APP: variants seen among roughly 807,000 people sequenced by gnomAD.
APP encodes the protein amyloid-beta precursor protein.
APP carries 31 observed loss-of-function variants against 101.4 expected under a neutral mutation model. The observed-to-expected ratio is 0.31, with a 90% CI of 0.23 to 0.41. APP has a LOEUF of 0.41. Among genes scored for constraint, APP ranks in the 10% least tolerant of loss-of-function variants. The pLI is 1.00. For missense variants in APP, 839 were observed against 1,003.7 expected (o/e 0.84, Z 2.22); for synonymous variants, 366 against 364.4 (o/e 1.00, Z -0.05).
intron 8 of APP, among the ~76,000 whole-genome samples, chr21:25,992,808 G>A (rs2042919604): frequency 6.6e-6 from 1 of 152,202 alleles, no homozygotes; most frequent in South Asian, 2.1e-4. Flanking sequence ...TCCCTAGGTT[G>A]GTTGGGGAGC....
At chr21:26,074,923 T>C (rs1448074555) in intron 3 of APP, among the ~76,000 whole-genome samples, 1 of 152,342 alleles carries the variant, frequency 6.6e-6, no homozygotes, top group South Asian at 2.1e-4. Flanking sequence ...ATGTTCTTTT[T>C]ATTAAGATCC....
chr21:26,166,343 G>A (rs1449278257), intron 1 of APP, among the ~76,000 whole-genome samples: 1 of 152,080 alleles, frequency 6.6e-6, no homozygotes, highest in East Asian at 1.9e-4. Flanking sequence ...CTGTACACTG[G>A]CTGTGAGACC....
intron 6 of APP, among the ~76,000 whole-genome samples, chr21:26,002,020 G>A (rs939873984): frequency 1.1e-4 from 16 of 152,346 alleles, no homozygotes; most frequent in African/African-American, 3.4e-4. Context: ...CAAGTTGGTT[G>A]GGTTTCATCC....
chr21:25,899,412 A>G (rs1206176034), intron 15 of APP, among the ~76,000 whole-genome samples: 2 of 152,200 alleles, frequency 1.3e-5, no homozygotes, highest in African/African-American at 4.8e-5. Flanking sequence ...TGAACAGAGC[A>G]TGATAGAAGT....
At chr21:25,960,620 A>T (rs1453749628) in intron 11 of APP, among the ~76,000 whole-genome samples, 2 of 152,300 alleles carry the variant, frequency 1.3e-5, no homozygotes, top group Middle Eastern at 6.8e-3. Flanking sequence ...ATAACAGAGT[A>T]GCAAAGGAGG....
At chr21:26,134,788 T>C (rs2062861787) in intron 1 of APP, among the ~76,000 whole-genome samples, 1 of 152,240 alleles carries the variant, frequency 6.6e-6, no homozygotes, top group East Asian at 1.9e-4. Context: ...CTCATTAGCA[T>C]ATAAGACCTT....
chr21:26,104,997 T>C (rs1364505932), intron 2 of APP, among the ~76,000 whole-genome samples: 2 of 148,926 alleles, frequency 1.3e-5, no homozygotes, highest in Non-Finnish European at 3.0e-5. Flanking sequence ...TCCACCACTA[T>C]TGGGAGAAAA....
intron 5 of APP, among the ~76,000 whole-genome samples, chr21:26,040,962 A>G (rs558004586): frequency 1.3e-5 from 2 of 152,362 alleles, no homozygotes; most frequent in African/African-American, 2.4e-5. Context: ...TAGTAAACTA[A>G]AAGTGTTACT....
intron 9 of APP, among the ~76,000 whole-genome samples, chr21:25,981,847 G>A (rs188181837): frequency 4.0e-4 from 60 of 151,360 alleles, no homozygotes; most frequent in African/African-American, 1.4e-3. Flanking sequence ...CCACTCTCTC[G>A]AACCTCTATT....
chr21:25,943,761 T>G (rs2040683313), intron 13 of APP, among the ~76,000 whole-genome samples: 1 of 152,210 alleles, frequency 6.6e-6, no homozygotes, highest in Non-Finnish European at 1.5e-5. Flanking sequence ...TGAAAACTTC[T>G]AAGACTTCCT....
intron 1 of APP, among the ~76,000 whole-genome samples, chr21:26,115,999 T>C (rs578152551): frequency 2.0e-5 from 3 of 152,230 alleles, no homozygotes; most frequent in Middle Eastern, 3.2e-3. Flanking sequence ...AACTGTGATA[T>C]AACTGGCCGT....
intron 5 of APP, among the ~76,000 whole-genome samples, chr21:26,036,093 T>G (rs915124239): frequency 7.2e-5 from 11 of 152,078 alleles, no homozygotes; most frequent in Admixed American, 6.6e-4. Context: ...CCTAGTCTAC[T>G]TACAAATGGT....
intron 3 of APP, among the ~76,000 whole-genome samples, chr21:26,082,107 T>A (rs1238375731): frequency 6.6e-6 from 1 of 152,098 alleles, no homozygotes; most frequent in Non-Finnish European, 1.5e-5. Flanking sequence ...TAATCCCAGC[T>A]ACTCAGGAGG....
intron 15 of APP, among the ~76,000 whole-genome samples, chr21:25,899,148 T>G (rs1285563303): frequency 1.3e-5 from 2 of 152,190 alleles, no homozygotes; most frequent in Non-Finnish European, 2.9e-5. Flanking sequence ...CTATCTTCTC[T>G]CCTTTTTGCT....
chr21:26,101,743 G>A (rs1406990736), intron 2 of APP, among the ~76,000 whole-genome samples: 1 of 152,164 alleles, frequency 6.6e-6, no homozygotes, highest in African/African-American at 2.4e-5. Context: ...TTCTAAAAGT[G>A]TCTTGACCAG....
intron 1 of APP, among the ~76,000 whole-genome samples, chr21:26,161,425 A>AT (rs1385171432): frequency 6.6e-6 from 1 of 151,832 alleles, no homozygotes; most frequent in East Asian, 1.9e-4. Flanking sequence ...ACCCAACTTA[A>AT]TTTTTTCCAA....
chr21:26,009,692 C>A (rs765045878), intron 6 of APP: 4 of 151,018 alleles, frequency 2.6e-5, no homozygotes, highest in Non-Finnish European at 5.9e-5. Flanking sequence ...CGGGTTCAAG[C>A]GATTCTCCTG....
rs150266196 is a variant in APP, at chr21:25,944,710, T to C, written c.1687+9880A>G. Among the ~76,000 whole-genome samples the C allele has an allele frequency of 2.7e-4, 41 of 152,306 alleles. No individual in the cohort carries two copies. The East Asian group carries it at 6.4e-3, about 24-fold the overall frequency. On this transcript the variant is annotated intron_variant, in intron 13 of 17. Coordinates refer to ENST00000346798, the MANE Select transcript of APP (RefSeq NM_000484.4). Reference sequence around the variant, plus strand: ...GGGTGGCAAACATCACTGATTTTTTTCCCCTCCTCTTTTAAAAAATGAACC... The same window carrying C: ...GGGTGGCAAACATCACTGATTTTTTCCCCCTCCTCTTTTAAAAAATGAACC...
chr21:25,988,854 G>A (rs1421684497), intron 8 of APP, among the ~76,000 whole-genome samples: 1 of 151,828 alleles, frequency 6.6e-6, no homozygotes, highest in East Asian at 1.9e-4. Flanking sequence ...TTACCTCAGG[G>A]AACTGAATAT....
Sources: gnomAD v4.1 joint callset for allele counts (sites outside exome capture counted in the v4.1 genomes callset) on GRCh38, gnomAD v4.1.1 for gene constraint, MANE v1.5 for transcripts, NCBI Gene and HGNC (gene_info 2026-07-23, HGNC 2026-07-21) for gene names.